Variants in RTEL1 observed in about 807,000 individuals in gnomAD.
RTEL1 encodes the protein regulator of telomere length.
Under a neutral mutation model 162.2 loss-of-function variants are expected in RTEL1, and 86 were observed. The ratio of observed to expected loss-of-function variants is 0.53; its 90% confidence interval spans 0.45 to 0.63. The LOEUF (loss-of-function observed/expected upper bound fraction) is 0.63. Among genes scored for constraint, RTEL1 ranks in the 30% least tolerant of loss-of-function variants. The probability of loss-of-function intolerance (pLI) is 0.00; values close to 1 mark genes in which losing one functional copy is unlikely to be tolerated. For missense variants in RTEL1, 1,941 were observed against 1,750.2 expected (o/e 1.11, Z -1.95); for synonymous variants, 958 against 717.9 (o/e 1.33, Z -5.35).
chr20:63,693,498 TCCACCACCA>T (rs1568720358), intron 30 of RTEL1, among the ~76,000 whole-genome samples: 1 of 4,400 alleles, frequency 2.3e-4, no homozygotes, highest in Non-Finnish European at 4.1e-4. Flanking sequence ...CACCTCCACC[TCCACCACCA>T]CCTCCTCCAC....
intron 21 of RTEL1, 58 bp from the exon 22 acceptor site, chr20:63,688,997 G>T (rs2090660242): frequency 6.1e-6 from 9 of 1,464,452 alleles, no homozygotes; most frequent in East Asian, 4.5e-5. Flanking sequence ...TCTCCCTCAT[G>T]GGGGAGGAAG....
Position 63,668,661 on chromosome 20 carries a change from G to C in RTEL1, c.699+1108G>C, listed in dbSNP as rs967437142. 6.6e-6 allele frequency among the ~76,000 whole-genome samples: 1 copy of C among 152,120 alleles called. No individual in the cohort carries two copies. Among genetic ancestry groups the C allele is most frequent in the African/African-American group, 2.4e-5 (1 of 41,408 alleles). ...TGTAGCAGAACCCCACAGAGAGCTG[G>C]TGAGGTTTGCCGTGGTTGTGGGTGA... On this transcript the variant is annotated intron_variant, in intron 8 of 34. Coordinates refer to ENST00000360203, the MANE Select transcript of RTEL1 (RefSeq NM_001283009.2). This position sits in a 1 kb window ranked among gnomAD's most constrained non-coding sequence, Gnocchi z 4.3.
chr20:63,694,862 C>G lies in RTEL1; in HGVS notation c.3231C>G (p.Ser1077Arg). 1 of 1,612,638 alleles carries G rather than the reference C, an allele frequency of 6.2e-7. No individual in the cohort carries two copies. Among genetic ancestry groups the G allele is most frequent in the South Asian group, 1.1e-5 (1 of 91,088 alleles). ...GGGCCCTGGGGTCCGCGGGCTGTAG[C>G]CAACTCTTGGCAGCGCTGACAGCCT... ...ARRALGSAGC[S>R]QLLAALTAYK... The change falls in exon 32 of 35, where the codon AGC becomes AGG. Residue 1077 changes from serine (S) to arginine (R), a missense_variant. Coordinates refer to ENST00000360203, the MANE Select transcript of RTEL1 (RefSeq NM_001283009.2).
chr20:63,671,140 A>G (rs2090232939), intron 8 of RTEL1, among the ~76,000 whole-genome samples: 1 of 152,140 alleles, frequency 6.6e-6, no homozygotes, highest in Non-Finnish European at 1.5e-5. Flanking sequence ...GGCTCACTGC[A>G]GCTTCCGCCT....
At chr20:63,662,761 G>A in intron 5 of RTEL1, 68 bp from the exon 6 acceptor site, 3 of 1,597,440 alleles carry the variant, frequency 1.9e-6, no homozygotes, top group East Asian at 2.2e-5. Context: ...GACCTGGTGG[G>A]GGTGGGGACT....
chr20:63,675,418 A>G (rs1226683590), intron 10 of RTEL1, among the ~76,000 whole-genome samples: 2 of 152,008 alleles, frequency 1.3e-5, no homozygotes, highest in Non-Finnish European at 2.9e-5. Flanking sequence ...TCTCACCAGG[A>G]TGGCTGCTTG....
At position 63,689,079 on chromosome 20, in the gene RTEL1, G is replaced by A. The variant is rs1424209629; in HGVS notation, c.1825G>A (p.Val609Ile). 1.1e-5 allele frequency: 17 copies of A among 1,610,996 alleles called. No individual in the cohort carries two copies. In the South Asian group the frequency reaches 1.9e-4, roughly 18 times the overall value. Reference sequence around the variant, plus strand: ...GACCATCAGTGCTTACTATGCAAGGGTTGCCGCCCCTGGGTCCACCGGCGC... The same window carrying A: ...GACCATCAGTGCTTACTATGCAAGGATTGCCGCCCCTGGGTCCACCGGCGC... ...SETISAYYAR[V>I]AAPGSTGATF... is the part of the protein sequence containing the mutation. The change falls in exon 22 of 35, where the codon GTT becomes ATT. Residue 609 changes from valine (V) to isoleucine (I), a missense_variant. By Grantham distance (29) the Val-to-Ile change is conservative. Coordinates refer to ENST00000360203, the MANE Select transcript of RTEL1 (RefSeq NM_001283009.2).
chr20:63,679,256 G>A (rs977884060), intron 12 of RTEL1, among the ~76,000 whole-genome samples: 2 of 152,276 alleles, frequency 1.3e-5, no homozygotes, highest in African/African-American at 2.4e-5. Flanking sequence ...CCTGAGCGCC[G>A]ACCTGGTCGG....
At chr20:63,688,982 C>G in intron 21 of RTEL1, 73 bp from the exon 22 acceptor site, 1 of 1,321,214 alleles carries the variant, frequency 7.6e-7, no homozygotes, top group Non-Finnish European at 1.1e-6. Flanking sequence ...AGCATGAGAC[C>G]TGGGTCTCCC....
chr20:63,674,885 T>A (rs1278458591), intron 10 of RTEL1, among the ~76,000 whole-genome samples: 11 of 151,946 alleles, frequency 7.2e-5, no homozygotes, highest in Non-Finnish European at 1.3e-4. Context: ...TTCATGGATG[T>A]TGTCAGTTGG....
At chr20:63,693,570 TCCACCTCCACCACCA>T (rs1568720957) in intron 30 of RTEL1, among the ~76,000 whole-genome samples, 7 of 5,740 alleles carry the variant, frequency 1.2e-3, no homozygotes, top group East Asian at 4.9e-3. Context: ...CTCCACCACC[TCCACCTCCACCACCA>T]CCACCTCCAC....
In RTEL1 at chr20:63,685,841, T is replaced by G. The variant is rs759143772; in HGVS notation, c.1317T>G (p.Asp439Glu). The G allele has an allele frequency of 1.2e-6, 2 of 1,612,664 alleles. No homozygotes were observed. The highest frequency in any genetic ancestry group is 2.2e-5 in the South Asian group (2 of 91,030). Residue 439 changes from aspartate (D) to glutamate (E), a missense_variant, in exon 16 of 35, where the codon GAT (aspartate) becomes GAG (glutamate). Physicochemically the swap from Asp to Glu is conservative, Grantham distance 45. Transcript: ENST00000360203. ...ACCGGAGGACGGCTCAGCGGTCTGA[T>G]GCCTGGAGCACCACTGCAGCCAGAA... ...AGHRRTAQRS[D>E]AWSTTAARKR...
intron 26 of RTEL1, among the ~76,000 whole-genome samples, 161 bp downstream of exon 26, chr20:63,690,602 C>G (rs563144195): frequency 6.6e-6 from 1 of 152,098 alleles, no homozygotes; most frequent in Non-Finnish European, 1.5e-5. Context: ...AGGGCCCCCA[C>G]GGGCTGCAAC....
chr20:63,668,252 G>A lies in RTEL1; in HGVS notation c.699+699G>A, dbSNP rs543875268. ...TAGTGCAGGTGGGATCACACGCCAC[G>A]GGTCAATGGTTTGTGTGTTCACGTG... On this transcript the variant is annotated intron_variant, in intron 8 of 34. Transcript: ENST00000360203. The surrounding 1 kb of genome is among the most constrained non-coding windows in gnomAD (Gnocchi z 4.3). Among the ~76,000 whole-genome samples the A allele has an allele frequency of 2.0e-4, 31 of 152,176 alleles. No individual in the cohort carries two copies. The highest frequency in any genetic ancestry group is 4.1e-4 in the Non-Finnish European group (28 of 68,032).
In RTEL1 at chr20:63,678,863, ACT is replaced by A. The variant is rs561674110; in HGVS notation, c.1037+521_1037+522del. 2.0e-3 allele frequency among the ~76,000 whole-genome samples: 247 copies of A among 120,894 alleles called. 7 individuals carry two copies. The highest frequency in any genetic ancestry group is 0.014 in the Middle Eastern group (3 of 218). 79.3% of individuals were successfully genotyped at this position (120,894 alleles called of 152,430 possible). On this transcript the variant is annotated intron_variant, in intron 12 of 34. Transcript: ENST00000360203. ...GGCACACACTCCCACGGAACAGCAG[ACT>A]CTCCCACGGAACAGCACACACACTC...
intron 18 of RTEL1, 39 bp downstream of exon 18, chr20:63,688,089 G>C (rs772379905): frequency 1.2e-6 from 2 of 1,611,826 alleles, no homozygotes; most frequent in Non-Finnish European, 1.7e-6. Flanking sequence ...GGTGGGAGGT[G>C]GGGGAGCACT....
intron 30 of RTEL1, among the ~76,000 whole-genome samples, chr20:63,693,510 TCCTCCACCA>T (rs2090851483): frequency 0.028 from 124 of 4,366 alleles, 8 homozygotes; most frequent in South Asian, 0.078. Flanking sequence ...CACCACCACC[TCCTCCACCA>T]CCACCACCTC....
chr20:63,695,811 T>G lies in RTEL1; in HGVS notation c.3856T>G (p.Ser1286Ala). 1 of 1,600,434 alleles carries G rather than the reference T, an allele frequency of 6.2e-7. No homozygotes were observed. The highest frequency in any genetic ancestry group is 1.1e-5 in the South Asian group (1 of 89,096). The change falls in exon 35 of 35, where the codon TCC (serine) becomes GCC (alanine). Residue 1286 changes from serine (S) to alanine (A), a missense_variant. Coordinates refer to ENST00000360203, the MANE Select transcript of RTEL1 (RefSeq NM_001283009.2). The part of the protein sequence containing the change: ...SRMCPACHTA[S>A]RKQSVMQVFW... ...GATGTGCCCAGCCTGCCACACCGCC[T>G]CCAGGAAGCAGAGCGTCATGCAGGT...
intron 21 of RTEL1, 163 bp from the exon 22 acceptor site, chr20:63,688,892 G>A: frequency 1.4e-6 from 1 of 731,914 alleles, no homozygotes; most frequent in Non-Finnish European, 2.3e-6. Flanking sequence ...AGCAGGCGTG[G>A]GGTCAGCCTG....
Sources: allele counts gnomAD v4.1 joint callset (sites outside exome capture counted in the v4.1 genomes callset), GRCh38; gene constraint gnomAD v4.1.1; non-coding constraint Gnocchi (gnomAD v3.1); transcripts MANE v1.5; gene names NCBI Gene and HGNC (gene_info 2026-07-23, HGNC 2026-07-21).